The following PLCL2 variants were observed in gnomAD, a reference collection of about 807,000 sequenced individuals.
The protein encoded by PLCL2 is phospholipase C like 2.
In PLCL2, 4 loss-of-function variants were observed where a neutral mutation model predicts 79.6. The observed-to-expected ratio is 0.05, with a 90% CI of 0.02 to 0.11. PLCL2 has a LOEUF of 0.11. PLCL2 is among the 10% of genes least tolerant of loss of function. The pLI, the probability that PLCL2 is intolerant of heterozygous loss-of-function variation, is 1.00. For synonymous variants in PLCL2, 484 were observed against 457.7 expected (o/e 1.06, Z -0.73); for missense variants, 895 against 1,291.0 (o/e 0.69, Z 4.70).
chr3:17,021,399 C>G (rs1301989442), intron 3 of PLCL2, among the ~76,000 whole-genome samples: 1 of 152,134 alleles, frequency 6.6e-6, no homozygotes, highest in Non-Finnish European at 1.5e-5. Flanking sequence ...GTGCTGGTAA[C>G]ATCACATGTA....
At chr3:17,077,286 A>G (rs929258118) in intron 5 of PLCL2, among the ~76,000 whole-genome samples, 3 of 152,074 alleles carry the variant, frequency 2.0e-5, no homozygotes, top group African/African-American at 7.2e-5. Flanking sequence ...TTCCTGTGTC[A>G]TTTCTTTCTT....
intron 1 of PLCL2, among the ~76,000 whole-genome samples, chr3:16,973,400 G>T (rs895739282): frequency 1.4e-5 from 2 of 143,206 alleles, no homozygotes; most frequent in East Asian, 2.0e-4. Flanking sequence ...TCTGATGACT[G>T]TGTCTTGGGG....
At position 16,952,716 on chromosome 3, in the gene PLCL2, G is replaced by T. The variant is rs918830767; in HGVS notation, c.328-56958G>T. ...AAAGGTTATTTTTGAATTATTTCTT[G>T]AGTGATGATATAATTTAATTTTTTC... On this transcript the variant is annotated intron_variant, in intron 1 of 5. Coordinates refer to ENST00000615277, the MANE Select transcript of PLCL2 (RefSeq NM_001144382.2). Among the ~76,000 whole-genome samples, 4 of 151,920 alleles carry T rather than the reference G, an allele frequency of 2.6e-5. No individual in the cohort carries two copies. The East Asian group carries it at 7.7e-4, about 29-fold the overall frequency.
intron 4 of PLCL2, among the ~76,000 whole-genome samples, chr3:17,065,594 C>T (rs913629254): frequency 6.6e-6 from 1 of 152,206 alleles, no homozygotes. Flanking sequence ...AAACAGTCTG[C>T]CCCTAGCAGA....
chr3:16,892,408 G>C (rs1322788608), intron 1 of PLCL2, among the ~76,000 whole-genome samples: 1 of 148,996 alleles, frequency 6.7e-6, no homozygotes, highest in Non-Finnish European at 1.5e-5. Flanking sequence ...AGGATGGCAA[G>C]AGAACATTAT....
intron 1 of PLCL2, among the ~76,000 whole-genome samples, chr3:16,978,746 G>A (rs2063951096): frequency 6.6e-6 from 1 of 152,200 alleles, no homozygotes. Context: ...TCGTGTCAGT[G>A]CAACAAGCCC....
At chr3:17,067,896 C>A in intron 4 of PLCL2, 60 bp from the exon 5 acceptor site, 1 of 881,844 alleles carries the variant, frequency 1.1e-6, no homozygotes, top group Non-Finnish European at 1.8e-6. Context: ...GAAATATTTC[C>A]AGTTCATTAC....
chr3:17,037,656 GA>G (rs142325038), intron 3 of PLCL2, among the ~76,000 whole-genome samples: 4,345 of 152,046 alleles, frequency 0.029, 228 homozygotes, highest in African/African-American at 0.1. Context: ...AGATAAAGGG[GA>G]AAAAAATCTA....
intron 5 of PLCL2, among the ~76,000 whole-genome samples, chr3:17,076,046 C>G (rs541211247): frequency 6.6e-6 from 1 of 152,258 alleles, no homozygotes; most frequent in East Asian, 1.9e-4. Context: ...AGTGGGATTG[C>G]TGGGTCACAT....
intron 1 of PLCL2, among the ~76,000 whole-genome samples, chr3:16,954,549 G>C (rs2063685681): frequency 6.6e-6 from 1 of 152,042 alleles, no homozygotes; most frequent in Non-Finnish European, 1.5e-5. Context: ...CCCAGTAATG[G>C]GATGGCTGGG....
chr3:17,046,053 G>C (rs1303932727), intron 4 of PLCL2, among the ~76,000 whole-genome samples: 1 of 152,098 alleles, frequency 6.6e-6, no homozygotes, highest in Non-Finnish European at 1.5e-5. Context: ...AGATCCTGCA[G>C]GGGTGATATG....
At chr3:17,045,500 A>G (rs2064770982) in intron 4 of PLCL2, among the ~76,000 whole-genome samples, 2 of 152,130 alleles carry the variant, frequency 1.3e-5, no homozygotes, top group African/African-American at 4.8e-5. Context: ...AAGACCTCCA[A>G]CCAAGGTAGG....
chr3:17,073,563 T>C (rs1258443160), intron 5 of PLCL2, among the ~76,000 whole-genome samples: 1 of 152,196 alleles, frequency 6.6e-6, no homozygotes, highest in Non-Finnish European at 1.5e-5. Flanking sequence ...ATGGACTCTT[T>C]GTTTCACCAC....
intron 1 of PLCL2, among the ~76,000 whole-genome samples, chr3:16,920,800 A>G (rs1262632009): frequency 2.0e-5 from 3 of 152,210 alleles, no homozygotes; most frequent in African/African-American, 7.2e-5. Flanking sequence ...AACCACTACT[A>G]CGTGAGAATA....
intron 1 of PLCL2, among the ~76,000 whole-genome samples, chr3:16,998,468 A>G (rs951411347): frequency 6.6e-6 from 1 of 152,234 alleles, no homozygotes; most frequent in Non-Finnish European, 1.5e-5. Context: ...CAGTTGAGAA[A>G]CACAGTTTTC....
chr3:16,968,382 T>G (rs1424345226), intron 1 of PLCL2, among the ~76,000 whole-genome samples: 1 of 152,162 alleles, frequency 6.6e-6, no homozygotes, highest in Non-Finnish European at 1.5e-5. Flanking sequence ...TTGAATGATA[T>G]TGATTCTTCC....
intron 1 of PLCL2, among the ~76,000 whole-genome samples, chr3:16,947,672 C>A (rs2063614893): frequency 6.6e-6 from 1 of 152,128 alleles, no homozygotes; most frequent in African/African-American, 2.4e-5. Flanking sequence ...AAGAAACTAC[C>A]TTTGCCACCA....
At chr3:16,923,529 T>C (rs1025818) in intron 1 of PLCL2, among the ~76,000 whole-genome samples, 48,059 of 152,086 alleles carry the variant, frequency 0.32, 8,003 homozygotes, top group East Asian at 0.53. Context: ...AGGAATTCTA[T>C]TCTTTCAGAC....
At chr3:17,040,451 A>T (rs2124918329) in intron 3 of PLCL2, among the ~76,000 whole-genome samples, 1 of 152,324 alleles carries the variant, frequency 6.6e-6, no homozygotes, top group East Asian at 1.9e-4. Flanking sequence ...TTTCAAGTGG[A>T]ACTAAAATTA....
Sources: gnomAD v4.1 joint callset for allele counts (sites outside exome capture counted in the v4.1 genomes callset) on GRCh38, gnomAD v4.1.1 for gene constraint, MANE v1.5 for transcripts, NCBI Gene and HGNC (gene_info 2026-07-23, HGNC 2026-07-21) for gene names.